The following SLC12A2 variants were observed in gnomAD, a reference collection of about 807,000 sequenced individuals.
SLC12A2 encodes Na-K-2Cl cotransporter 1.
Under a neutral mutation model 136.3 loss-of-function variants are expected in SLC12A2, and 67 were observed. The observed-to-expected ratio is 0.49, with a 90% CI of 0.40 to 0.60. SLC12A2 has a LOEUF of 0.60. Ranked by LOEUF, SLC12A2 falls within the 20% of genes least tolerant of loss-of-function variation. SLC12A2 has a pLI of 0.00. For missense variants in SLC12A2, 1,322 were observed against 1,534.7 expected (o/e 0.86, Z 2.32); for synonymous variants, 619 against 562.9 (o/e 1.10, Z -1.41).
At chr5:128,142,017 A>G (rs1762382916) in intron 10 of SLC12A2, 36 bp downstream of exon 10, 6 of 1,576,838 alleles carry the variant, frequency 3.8e-6, no homozygotes, top group African/African-American at 1.3e-5. Flanking sequence ...GACATTCTGT[A>G]TTTATCTAGG....
At chr5:128,185,139 G>A (rs550128896) in intron 26 of SLC12A2, among the ~76,000 whole-genome samples, 2 of 152,082 alleles carry the variant, frequency 1.3e-5, no homozygotes. Context: ...CCTTATCTTT[G>A]TAAACACTAC....
intron 1 of SLC12A2, among the ~76,000 whole-genome samples, chr5:128,099,498 A>G (rs1313519934): frequency 6.6e-6 from 1 of 152,192 alleles, no homozygotes; most frequent in Non-Finnish European, 1.5e-5. Flanking sequence ...ATTTATTTAA[A>G]AAATATTTTT....
intron 5 of SLC12A2, among the ~76,000 whole-genome samples, chr5:128,132,145 G>A (rs1762045390): frequency 6.6e-6 from 1 of 152,150 alleles, no homozygotes; most frequent in Admixed American, 6.5e-5. Context: ...TTTGGGATTG[G>A]GGGGCGTGAC....
chr5:128,169,649 A>G (rs1028086207), intron 18 of SLC12A2: 7 of 152,180 alleles, frequency 4.6e-5, no homozygotes, highest in Non-Finnish European at 8.8e-5. Flanking sequence ...TATTCTGTGT[A>G]TATAGGGATT....
At chr5:128,122,759 T>C (rs1260754715) in intron 4 of SLC12A2, among the ~76,000 whole-genome samples, 5 of 152,122 alleles carry the variant, frequency 3.3e-5, no homozygotes, top group African/African-American at 1.2e-4. Flanking sequence ...TTATCATTGA[T>C]TGTCAAATTT....
intron 17 of SLC12A2, among the ~76,000 whole-genome samples, chr5:128,163,528 CA>C (rs941548864): frequency 3.0e-4 from 43 of 142,766 alleles, no homozygotes; most frequent in Admixed American, 4.9e-4. Flanking sequence ...GACCCCATCT[CA>C]AAAAAAAAAA....
intron 4 of SLC12A2, among the ~76,000 whole-genome samples, chr5:128,126,964 ATATTTT>A (rs1221107987): frequency 9.2e-5 from 2 of 21,684 alleles, no homozygotes; most frequent in African/African-American, 3.2e-4. Context: ...ATATATATAT[ATATTTT>A]TTTTTTTTTT....
At chr5:128,154,103 G>A (rs1762798502) in intron 15 of SLC12A2, among the ~76,000 whole-genome samples, 1 of 150,800 alleles carries the variant, frequency 6.6e-6, no homozygotes, top group African/African-American at 2.4e-5. Flanking sequence ...GCTCATTGTA[G>A]TAAAGCCAAC....
chr5:128,084,124 G>C lies in SLC12A2; in HGVS notation c.170G>C (p.Arg57Pro). Reference sequence around the variant, plus strand: ...GCGAGCCGGGACGGCGGCGGGGTCCGCGATGAGGGCCCCGCGGCGGCCGGG... The same window carrying C: ...GCGAGCCGGGACGGCGGCGGGGTCCCCGATGAGGGCCCCGCGGCGGCCGGG... ...APASRDGGGV[R>P]DEGPAAAGDG... is the part of the protein sequence containing the mutation. The change falls in exon 1 of 27, where the codon CGC (arginine) becomes CCC (proline). Residue 57 changes from arginine to proline, a missense_variant. Arg to Pro is a moderately radical substitution (Grantham distance 103). Transcript: ENST00000262461. This position sits in a 1 kb window ranked among gnomAD's most constrained non-coding sequence, Gnocchi z 5.6. 7.7e-7 allele frequency: 1 copy of C among 1,303,566 alleles called. No individual in the cohort carries two copies. Among genetic ancestry groups the C allele is most frequent in the Non-Finnish European group, 9.7e-7 (1 of 1,031,126 alleles). The allele number at this position is 1,303,566 out of a possible 1,614,324, so 80.7% of individuals were successfully genotyped here. A position where few individuals can be genotyped will look rare whatever the true frequency, so the allele number is the denominator to read the frequency against.
At chr5:128,160,775 G>A (rs1259311222) in intron 16 of SLC12A2, among the ~76,000 whole-genome samples, 2 of 151,802 alleles carry the variant, frequency 1.3e-5, no homozygotes, top group East Asian at 3.9e-4. Flanking sequence ...AGTGTATATT[G>A]TATACCTCAT....
intron 4 of SLC12A2, among the ~76,000 whole-genome samples, chr5:128,129,425 A>T (rs1246157364): frequency 6.6e-6 from 1 of 151,792 alleles, no homozygotes; most frequent in Non-Finnish European, 1.5e-5. Flanking sequence ...GGAAAATTTT[A>T]AGTCATTTTT....
At chr5:128,106,013 A>G (rs1760921464) in intron 1 of SLC12A2, among the ~76,000 whole-genome samples, 1 of 152,082 alleles carries the variant, frequency 6.6e-6, no homozygotes, top group Admixed American at 6.5e-5. Flanking sequence ...AAATATCTGG[A>G]TCTTCCATTC....
intron 26 of SLC12A2, among the ~76,000 whole-genome samples, chr5:128,185,699 TTC>T (rs1763844896): frequency 6.6e-6 from 1 of 152,162 alleles, no homozygotes; most frequent in Non-Finnish European, 1.5e-5. Flanking sequence ...CATATATAGC[TTC>T]TGTTTTCTAA....
intron 1 of SLC12A2, among the ~76,000 whole-genome samples, chr5:128,103,060 G>A (rs1478514231): frequency 6.6e-6 from 1 of 152,118 alleles, no homozygotes; most frequent in Non-Finnish European, 1.5e-5. Flanking sequence ...GTTTTTATAC[G>A]AGTATCTTGC....
chr5:128,162,719 T>G (rs952708805), intron 17 of SLC12A2, among the ~76,000 whole-genome samples: 2 of 151,922 alleles, frequency 1.3e-5, no homozygotes, highest in Non-Finnish European at 2.9e-5. Flanking sequence ...GCGAAAGATA[T>G]GAACAGAGAG....
chr5:128,084,298 A>C lies in SLC12A2; in HGVS notation c.344A>C (p.Gln115Pro), dbSNP rs1340823313. The change falls in exon 1 of 27, where the codon CAG becomes CCG. Residue 115 changes from glutamine (Q) to proline (P), a missense_variant. Physicochemically the swap from Gln to Pro is moderately conservative, Grantham distance 76 (BLOSUM62 -1). Coordinates refer to ENST00000262461, the MANE Select transcript of SLC12A2 (RefSeq NM_001046.3). This position sits in a 1 kb window ranked among gnomAD's most constrained non-coding sequence, Gnocchi z 5.6. ...AAAGAGAGAKQTPADGEASGE... is the reference protein window; with the variant it reads ...AAAGAGAGAKPTPADGEASGE... ...GCTGGTGCTGGGGCGGGGGCCAAGCAGACCCCCGCGGACGGGGAAGCCAGC... is the reference window on the plus strand; with the variant it reads ...GCTGGTGCTGGGGCGGGGGCCAAGCCGACCCCCGCGGACGGGGAAGCCAGC... 4.7e-6 allele frequency: 7 copies of C among 1,501,396 alleles called. No homozygotes were observed. The highest frequency in any genetic ancestry group is 1.3e-5 in the South Asian group (1 of 77,008). The allele number at this position is 1,501,396 out of a possible 1,614,324, so 93.0% of individuals were successfully genotyped here. A position where few individuals can be genotyped will look rare whatever the true frequency, so the allele number is the denominator to read the frequency against.
Position 128,084,333 on chromosome 5 carries a change from G to T in SLC12A2, c.379G>T (p.Glu127Ter). 6.4e-7 allele frequency: 1 copy of T among 1,572,086 alleles called. No individual in the cohort carries two copies. The highest frequency in any genetic ancestry group is 8.6e-7 in the Non-Finnish European group (1 of 1,163,836). The change falls in exon 1 of 27, where the codon GAG becomes TAG. Residue 127 changes from glutamate to a stop codon, truncating the protein, a stop_gained. Coordinates refer to ENST00000262461, the MANE Select transcript of SLC12A2 (RefSeq NM_001046.3). LOFTEE classifies it high-confidence loss of function. This position sits in a 1 kb window ranked among gnomAD's most constrained non-coding sequence, Gnocchi z 5.6. ...GGACGGGGAAGCCAGCGGCGAGAGC[G>T]AGCCGGCTAAAGGCAGCGAGGAAGC... ...PADGEASGES[E>*]PAKGSEEAKG...
chr5:128,160,507 G>A (rs1478810588), intron 16 of SLC12A2, among the ~76,000 whole-genome samples: 2 of 152,078 alleles, frequency 1.3e-5, no homozygotes, highest in Non-Finnish European at 2.9e-5. Context: ...TAATATCTCT[G>A]GTATGTAAGA....
chr5:128,167,109 G>C (rs1763229820), intron 17 of SLC12A2, among the ~76,000 whole-genome samples: 2 of 152,058 alleles, frequency 1.3e-5, no homozygotes, highest in African/African-American at 4.8e-5. Flanking sequence ...GGGGTTATGT[G>C]TTGTTTATAT....
Sources: allele counts gnomAD v4.1 joint callset (sites outside exome capture counted in the v4.1 genomes callset), GRCh38; gene constraint gnomAD v4.1.1; non-coding constraint Gnocchi (gnomAD v3.1); transcripts MANE v1.5; gene names NCBI Gene and HGNC (gene_info 2026-07-23, HGNC 2026-07-21).